The following TENM2 variants were observed in gnomAD, a reference collection of about 807,000 sequenced individuals.
TENM2 encodes teneurin-2.
In TENM2, 52 loss-of-function variants were observed where a neutral mutation model predicts 245.2. The ratio of observed to expected loss-of-function variants is 0.21; its 90% CI spans 0.17 to 0.27. The LOEUF is 0.27. Ranked by LOEUF, TENM2 falls within the 10% of genes least tolerant of loss-of-function variation. The pLI, the probability that TENM2 is intolerant of heterozygous loss-of-function variation, is 1.00. For synonymous variants in TENM2, 1,363 were observed against 1,438.9 expected (o/e 0.95, Z 1.19); for missense variants, 3,046 against 3,666.8 (o/e 0.83, Z 4.37).
chr5:168,227,193 G>GTAAC (rs1415342422), intron 24 of TENM2, among the ~76,000 whole-genome samples: 2 of 152,128 alleles, frequency 1.3e-5, no homozygotes, highest in Non-Finnish European at 2.9e-5. Context: ...TTTCCTTCCC[G>GTAAC]TAACTTTTCG....
intron 2 of TENM2, among the ~76,000 whole-genome samples, chr5:167,708,233 GGA>G (rs10646203): frequency 0.096 from 14,265 of 148,834 alleles, 1,142 homozygotes; most frequent in East Asian, 0.39. Context: ...AGAAAGTGAT[GGA>G]GAGAGAGAGA....
chr5:167,810,741 G>T (rs976997085), intron 2 of TENM2, among the ~76,000 whole-genome samples: 1 of 152,112 alleles, frequency 6.6e-6, no homozygotes, highest in Admixed American at 6.6e-5. Context: ...CCAGTCAGAG[G>T]CCACACTTGT....
In TENM2 at chr5:167,692,940, A is replaced by G. The variant is rs1185654592; in HGVS notation, c.503-183046A>G. On this transcript the variant is annotated intron_variant, in intron 2 of 28. Transcript: ENST00000518659. ...CTCAAAGGGCTGCCTGGTCGGCTTG[A>G]TGGCTTGAGTTGGCAGTAGGGAGTA... Among the ~76,000 whole-genome samples the G allele has an allele frequency of 2.0e-5, 3 of 152,290 alleles. No homozygotes were observed. In the South Asian group the frequency reaches 6.2e-4, roughly 32 times the overall value.
At chr5:166,996,566 A>G in the TENM2 span, among the ~76,000 whole-genome samples, 2 of 152,138 alleles carry the variant, frequency 1.3e-5, no homozygotes, top group East Asian at 1.9e-4. Context: ...TTGGCCCTTT[A>G]CAGAAAAAGT....
intron 3 of TENM2, among the ~76,000 whole-genome samples, chr5:167,884,806 T>C (rs1456985611): frequency 6.6e-6 from 1 of 152,180 alleles, no homozygotes; most frequent in East Asian, 1.9e-4. Context: ...AGTAATTCTA[T>C]ACTTAATTTT....
chr5:168,215,685 A>G (rs2152561232), intron 21 of TENM2, among the ~76,000 whole-genome samples: 1 of 152,244 alleles, frequency 6.6e-6, no homozygotes, highest in East Asian at 1.9e-4. Context: ...GAAAAAGAAA[A>G]CCTTATTTAT....
chr5:167,672,785 T>A (rs1038627192), intron 2 of TENM2, among the ~76,000 whole-genome samples: 1 of 151,904 alleles, frequency 6.6e-6, no homozygotes, highest in Admixed American at 6.6e-5. Flanking sequence ...GACAAAAGAT[T>A]GACCCAAGGA....
chr5:167,497,428 C>T (rs368607040), intron 2 of TENM2, among the ~76,000 whole-genome samples: 1 of 151,980 alleles, frequency 6.6e-6, no homozygotes, highest in Non-Finnish European at 1.5e-5. Context: ...AATGCATTGC[C>T]GTGGCAGCGC....
the TENM2 span, among the ~76,000 whole-genome samples, chr5:167,200,275 A>G: frequency 7.2e-5 from 11 of 151,896 alleles, no homozygotes; most frequent in African/African-American, 2.4e-4. Flanking sequence ...ATTCCCTCCA[A>G]GGGCCCTCTT....
At chr5:167,232,220 C>T in the TENM2 span, among the ~76,000 whole-genome samples, 2 of 152,146 alleles carry the variant, frequency 1.3e-5, no homozygotes, top group Admixed American at 1.3e-4. Flanking sequence ...GGGGCACTGC[C>T]TAGTGGAGCT....
At chr5:167,462,973 C>T (rs903677512) in intron 2 of TENM2, among the ~76,000 whole-genome samples, 3 of 151,990 alleles carry the variant, frequency 2.0e-5, no homozygotes, top group African/African-American at 7.2e-5. Context: ...CTATAGTCTT[C>T]AATGAGCCAA....
At chr5:167,000,542 A>G in the TENM2 span, among the ~76,000 whole-genome samples, 35 of 152,330 alleles carry the variant, frequency 2.3e-4, no homozygotes, top group African/African-American at 8.4e-4. Flanking sequence ...ATGGGTAAAG[A>G]ATTCTGTGTG....
At chr5:167,769,057 T>G (rs12657288) in intron 2 of TENM2, among the ~76,000 whole-genome samples, 85,182 of 152,056 alleles carry the variant, frequency 0.56, 27,299 homozygotes, top group Non-Finnish European at 0.73. Flanking sequence ...CTATGGAATC[T>G]CCTTTTTAAA....
chr5:167,984,551 G>A (rs1369369468), intron 4 of TENM2, among the ~76,000 whole-genome samples: 1 of 152,164 alleles, frequency 6.6e-6, no homozygotes, highest in Non-Finnish European at 1.5e-5. Flanking sequence ...AGCTACTTGG[G>A]AGGCTGAGGC....
intron 2 of TENM2, among the ~76,000 whole-genome samples, chr5:167,745,374 A>G (rs1761485423): frequency 1.3e-5 from 2 of 152,168 alleles, no homozygotes. Flanking sequence ...CTGCCCAAAG[A>G]AGCCAGTGTC....
chr5:167,344,282 GCACA>G (rs3067278), intron 1 of TENM2, among the ~76,000 whole-genome samples: 19,737 of 134,330 alleles, frequency 0.15, 1,703 homozygotes, highest in Middle Eastern at 0.32. Context: ...GCACGTGCAC[GCACA>G]CACACACACA....
In TENM2 at chr5:168,097,005, G is replaced by A. The variant is rs148628331; in HGVS notation, c.1712-1021G>A. ...ATCACAAGATAAGACGGTGATGCAG[G>A]TTAGAGCCAAATGTGAACTAATTCA... is the stretch of plus-strand genomic sequence containing the variant. On this transcript the variant is annotated intron_variant, in intron 8 of 28. Transcript: ENST00000518659. Among the ~76,000 whole-genome samples, 312 of 152,250 alleles carry A rather than the reference G, an allele frequency of 2.0e-3. 2 individuals carry two copies. The highest frequency in any genetic ancestry group is 7.3e-3 in the African/African-American group (303 of 41,540).
At chr5:167,168,390 G>A in the TENM2 span, 7 of 152,084 alleles carry the variant, frequency 4.6e-5, no homozygotes, top group South Asian at 1.2e-3. Flanking sequence ...TTGTCCACAT[G>A]TCTTCCTCCA....
the TENM2 span, among the ~76,000 whole-genome samples, chr5:167,024,979 G>A: frequency 1.9e-4 from 29 of 152,118 alleles, 1 homozygote; most frequent in African/African-American, 6.0e-4. Context: ...TTAAAAATAC[G>A]AGTGCTCAAG....
Sources: gnomAD v4.1 joint callset for allele counts (sites outside exome capture counted in the v4.1 genomes callset) on GRCh38, gnomAD v4.1.1 for gene constraint, MANE v1.5 for transcripts, NCBI Gene and HGNC (gene_info 2026-07-23, HGNC 2026-07-21) for gene names.